The following WDR7 variants were observed in gnomAD, a reference collection of about 807,000 sequenced individuals.
WDR7 encodes the protein WD repeat domain 7, also known as WD repeat-containing protein 7.
In WDR7, 46 loss-of-function variants were observed where a neutral mutation model predicts 169.4. The observed-to-expected ratio is 0.27, with a 90% CI of 0.21 to 0.35. WDR7 has a LOEUF of 0.35. Ranked by LOEUF, WDR7 falls within the 10% of genes least tolerant of loss-of-function variation. The pLI, the probability that WDR7 is intolerant of heterozygous loss-of-function variation, is 1.00. For missense variants in WDR7, 1,534 were observed against 1,859.3 expected (o/e 0.83, Z 3.22); for synonymous variants, 612 against 666.8 (o/e 0.92, Z 1.27).
intron 16 of WDR7, among the ~76,000 whole-genome samples, chr18:56,762,085 GA>G (rs2144971156): frequency 6.6e-6 from 1 of 152,022 alleles, no homozygotes; most frequent in African/African-American, 2.4e-5. Flanking sequence ...TTTCTGTATT[GA>G]TTGAGATGAT....
rs549834266 is a variant in WDR7 at position 56,744,781 on chromosome 18, T to A, written c.1990-11802T>A. ...GGAGGTTTCAAAGGTTCCCAGATGG[T>A]TCCCACCTACAGGTTACAGCAGTTT... On this transcript the variant is annotated intron_variant, in intron 14 of 27. Coordinates refer to ENST00000254442, the MANE Select transcript of WDR7 (RefSeq NM_015285.3). Among the ~76,000 whole-genome samples, 7 of 152,266 alleles carry A rather than the reference T, an allele frequency of 4.6e-5. No individual in the cohort carries two copies. The South Asian group carries it at 1.5e-3, about 32-fold the overall frequency.
At chr18:56,718,307 TTTG>T in intron 13 of WDR7, 148 bp downstream of exon 13, 1 of 818,774 alleles carries the variant, frequency 1.2e-6, no homozygotes, top group Non-Finnish European at 1.8e-6. Context: ...TGGCCTCTTT[TTTG>T]TTCTGCTATG....
chr18:57,013,180 C>T (rs1422539519), intron 26 of WDR7, among the ~76,000 whole-genome samples: 1 of 152,144 alleles, frequency 6.6e-6, no homozygotes, highest in Admixed American at 6.5e-5. Flanking sequence ...ACCTAGATTC[C>T]TCGCATGCAC....
At chr18:56,944,108 C>T (rs1285767467) in intron 25 of WDR7, among the ~76,000 whole-genome samples, 5 of 151,192 alleles carry the variant, frequency 3.3e-5, no homozygotes, top group East Asian at 2.0e-4. Flanking sequence ...CCTGCCTCAG[C>T]CTCCCAAGTA....
At chr18:56,654,800 T>C (rs1429284457) in intron 1 of WDR7, among the ~76,000 whole-genome samples, 1 of 152,244 alleles carries the variant, frequency 6.6e-6, no homozygotes, top group East Asian at 1.9e-4. Flanking sequence ...CATAGTTTTC[T>C]TTTAAACTTA....
intron 21 of WDR7, among the ~76,000 whole-genome samples, chr18:56,902,652 T>G (rs2046418865): frequency 6.6e-6 from 1 of 152,180 alleles, no homozygotes; most frequent in Admixed American, 6.5e-5. Flanking sequence ...TATTGGCTAT[T>G]TCACATGGCT....
rs753453246 is a variant in WDR7, at chr18:56,879,956, G to T, written c.3317G>T (p.Ser1106Ile). 1 of 1,613,578 alleles carries T rather than the reference G, an allele frequency of 6.2e-7. No individual in the cohort carries two copies. Among genetic ancestry groups the T allele is most frequent in the East Asian group, 2.2e-5 (1 of 44,874 alleles). Reference sequence around the variant, plus strand: ...TTTTGGTCTTCAGGTTGCTTATCAAGTGTCCCACAAATGAAAAAAATTTCT... The same window carrying T: ...TTTTGGTCTTCAGGTTGCTTATCAATTGTCCCACAAATGAAAAAAATTTCT... ...DDDITTGCLSSVPQMKKISTS... is the reference protein window; with the variant it reads ...DDDITTGCLSIVPQMKKISTS... Residue 1106 changes from serine to isoleucine, a missense_variant, in exon 21 of 28, where the codon AGT becomes ATT. Transcript: ENST00000254442.
intron 21 of WDR7, among the ~76,000 whole-genome samples, chr18:56,922,405 G>A (rs1167803089): frequency 1.3e-5 from 2 of 152,030 alleles, no homozygotes; most frequent in Non-Finnish European, 2.9e-5. Flanking sequence ...AAAAGGACAC[G>A]TATGTGCTGG....
chr18:57,012,671 C>T (rs115616691), intron 26 of WDR7, among the ~76,000 whole-genome samples: 2,293 of 152,206 alleles, frequency 0.015, 74 homozygotes, highest in African/African-American at 0.053. Context: ...TTTGGTGTGG[C>T]GAAGTCACTT....
At chr18:56,822,074 G>A (rs1234961693) in intron 20 of WDR7, among the ~76,000 whole-genome samples, 3 of 152,122 alleles carry the variant, frequency 2.0e-5, no homozygotes, top group African/African-American at 7.2e-5. Context: ...CTACAGGTGT[G>A]CTACTGTGTC....
chr18:56,971,298 A>G (rs1330597323), intron 26 of WDR7, among the ~76,000 whole-genome samples: 1 of 150,862 alleles, frequency 6.6e-6, no homozygotes, highest in Non-Finnish European at 1.5e-5. Context: ...AAAAAAAAAA[A>G]GGAACACCCC....
chr18:56,887,329 G>T (rs1253432565), intron 21 of WDR7, among the ~76,000 whole-genome samples: 3 of 152,096 alleles, frequency 2.0e-5, no homozygotes, highest in Non-Finnish European at 4.4e-5. Context: ...CTTTCCCAAT[G>T]AAGATAAATA....
intron 16 of WDR7, 42 bp from the exon 17 acceptor site, chr18:56,776,740 T>C: frequency 6.4e-7 from 1 of 1,569,976 alleles, no homozygotes; most frequent in Admixed American, 1.7e-5. Flanking sequence ...ACTGCTGTAC[T>C]TCAATTCTCT....
chr18:56,771,133 C>T (rs867333439), intron 16 of WDR7, among the ~76,000 whole-genome samples: 4 of 152,252 alleles, frequency 2.6e-5, no homozygotes, highest in Middle Eastern at 6.8e-3. Flanking sequence ...AATGCAGTGT[C>T]CAGAAATACC....
intron 12 of WDR7, among the ~76,000 whole-genome samples, chr18:56,702,162 C>T (rs2144670587): frequency 6.6e-6 from 1 of 152,250 alleles, no homozygotes; most frequent in Non-Finnish European, 1.5e-5. Flanking sequence ...AGGAAACTTC[C>T]TCCAACGCTC....
chr18:56,775,051 C>T (rs919968515), intron 16 of WDR7, among the ~76,000 whole-genome samples: 2 of 152,070 alleles, frequency 1.3e-5, no homozygotes, highest in African/African-American at 4.8e-5. Context: ...TTTCTAGTTT[C>T]CTTTTACACT....
At chr18:56,711,021 T>C (rs925699746) in intron 12 of WDR7, among the ~76,000 whole-genome samples, 1 of 151,174 alleles carries the variant, frequency 6.6e-6, no homozygotes, top group Non-Finnish European at 1.5e-5. Flanking sequence ...GGATTTTAGT[T>C]TTTTTTTTTA....
chr18:56,759,253 GT>G (rs1175628414), intron 16 of WDR7, among the ~76,000 whole-genome samples: 1 of 152,098 alleles, frequency 6.6e-6, no homozygotes, highest in Non-Finnish European at 1.5e-5. Context: ...TGTTTCTTGA[GT>G]TTAAAAGTTA....
intron 14 of WDR7, among the ~76,000 whole-genome samples, chr18:56,746,189 T>C (rs1444260378): frequency 1.3e-5 from 2 of 152,224 alleles, no homozygotes; most frequent in Non-Finnish European, 2.9e-5. Context: ...TTCTATATGA[T>C]GCTGTCAGTT....
Sources: gnomAD v4.1 joint callset for allele counts (sites outside exome capture counted in the v4.1 genomes callset) on GRCh38, gnomAD v4.1.1 for gene constraint, MANE v1.5 for transcripts, NCBI Gene and HGNC (gene_info 2026-07-23, HGNC 2026-07-21) for gene names.